SUGCT: variants seen among roughly 807,000 people sequenced by gnomAD.
The protein encoded by SUGCT is succinyl-CoA:glutarate-CoA transferase.
A neutral mutation model predicts 55.0 loss-of-function variants in SUGCT; 41 were observed. That is an observed-to-expected ratio of 0.74 (90% CI 0.58 to 0.97). The LOEUF is 0.97. Among genes scored for constraint, SUGCT ranks in the 50% least tolerant of loss-of-function variants. The pLI is 0.00. For missense variants in SUGCT, 568 were observed against 547.8 expected (o/e 1.04, Z -0.37); for synonymous variants, 187 against 200.4 (o/e 0.93, Z 0.56).
At chr7:40,984,723 G>A in the SUGCT span, among the ~76,000 whole-genome samples, 1 of 152,320 alleles carries the variant, frequency 6.6e-6, no homozygotes, top group African/African-American at 2.4e-5. Context: ...TTACAGAACA[G>A]ATTTGGACAA....
At chr7:40,579,016 G>A (rs1172955258) in intron 12 of SUGCT, among the ~76,000 whole-genome samples, 2 of 152,132 alleles carry the variant, frequency 1.3e-5, no homozygotes, top group Non-Finnish European at 2.9e-5. Context: ...ATTGAGTACC[G>A]TGCTTGGCTC....
chr7:40,980,519 G>C, the SUGCT span, among the ~76,000 whole-genome samples: 1 of 152,192 alleles, frequency 6.6e-6, no homozygotes, highest in East Asian at 1.9e-4. Context: ...TCAATATACA[G>C]TTCATCCCGA....
chr7:40,948,744 G>C, the SUGCT span, among the ~76,000 whole-genome samples: 2 of 152,044 alleles, frequency 1.3e-5, no homozygotes, highest in African/African-American at 4.8e-5. Flanking sequence ...TGAGAATGAT[G>C]ATTTCCAGCT....
chr7:40,961,519 A>AG, the SUGCT span, among the ~76,000 whole-genome samples: 1 of 152,128 alleles, frequency 6.6e-6, no homozygotes, highest in African/African-American at 2.4e-5. Context: ...GAAGTGGGAG[A>AG]GGGGGACTCA....
At chr7:40,776,137 G>A (rs1034834940) in intron 13 of SUGCT, among the ~76,000 whole-genome samples, 3 of 152,122 alleles carry the variant, frequency 2.0e-5, no homozygotes, top group Admixed American at 6.5e-5. Flanking sequence ...GGGAATCCAC[G>A]TGTCTGAGAA....
chr7:40,136,242 C>T (rs553229527), intron 1 of SUGCT, among the ~76,000 whole-genome samples: 1 of 152,300 alleles, frequency 6.6e-6, no homozygotes, highest in South Asian at 2.1e-4. Context: ...AAGTGATCCG[C>T]CTGCCTCTGC....
At chr7:40,917,367 G>A in the SUGCT span, among the ~76,000 whole-genome samples, 1 of 152,142 alleles carries the variant, frequency 6.6e-6, no homozygotes, top group South Asian at 2.1e-4. Context: ...TAGGGTAGTA[G>A]GTTACTCTTA....
intron 9 of SUGCT, among the ~76,000 whole-genome samples, chr7:40,448,962 A>G (rs540276500): frequency 7.5e-6 from 1 of 133,724 alleles, no homozygotes; most frequent in African/African-American, 3.2e-5. Context: ...ATATATATAT[A>G]GAGAGAGAGA....
intron 12 of SUGCT, among the ~76,000 whole-genome samples, chr7:40,572,363 T>G (rs1796498216): frequency 6.6e-6 from 1 of 152,118 alleles, no homozygotes; most frequent in African/African-American, 2.4e-5. Context: ...AAGAGATAAA[T>G]TCATTCCTAG....
chr7:40,316,186 A>G (rs1244621020), intron 8 of SUGCT, among the ~76,000 whole-genome samples: 1 of 152,116 alleles, frequency 6.6e-6, no homozygotes. Context: ...AATTTTAAAA[A>G]CTCAAATAAT....
intron 9 of SUGCT, among the ~76,000 whole-genome samples, chr7:40,346,492 A>C (rs1206438537): frequency 2.0e-5 from 3 of 152,184 alleles, no homozygotes; most frequent in Admixed American, 1.3e-4. Flanking sequence ...TCTAGCCTTC[A>C]CAGTTTTCTG....
intron 12 of SUGCT, among the ~76,000 whole-genome samples, chr7:40,637,768 TATGCTAACAGCATGAAATATGCTTC>T (rs1398213757): frequency 1.3e-5 from 2 of 152,254 alleles, no homozygotes; most frequent in African/African-American, 4.8e-5. Context: ...AATTGGTTAT[TATGCTAACAGCATGAAATATGCTTC>T]TTTGAGATTA....
chr7:40,795,730 A>AG (rs1001426376), intron 13 of SUGCT, among the ~76,000 whole-genome samples: 8 of 152,286 alleles, frequency 5.3e-5, no homozygotes, highest in Middle Eastern at 6.8e-3. Flanking sequence ...CTAAAAAAAA[A>AG]CTACTTTTGG....
chr7:40,906,777 A>G, the SUGCT span, among the ~76,000 whole-genome samples: 3 of 152,318 alleles, frequency 2.0e-5, no homozygotes, highest in African/African-American at 7.2e-5. Context: ...TGCCTATATA[A>G]TAATACAACT....
intron 9 of SUGCT, among the ~76,000 whole-genome samples, chr7:40,338,536 G>C (rs563746529): frequency 1.3e-5 from 2 of 152,086 alleles, no homozygotes; most frequent in African/African-American, 4.8e-5. Context: ...CCAGTGGATC[G>C]AATCGGCTGC....
At chr7:40,825,520 GT>G (rs1255489207) in intron 13 of SUGCT, among the ~76,000 whole-genome samples, 28 of 152,046 alleles carry the variant, frequency 1.8e-4, no homozygotes, top group Admixed American at 3.3e-4. Context: ...ACTTCTTTCT[GT>G]TTTTTAACGT....
intron 9 of SUGCT, among the ~76,000 whole-genome samples, chr7:40,400,351 C>T (rs1386725118): frequency 6.6e-6 from 1 of 152,126 alleles, no homozygotes; most frequent in Non-Finnish European, 1.5e-5. Context: ...ATGGCAACAG[C>T]ATCTGCTTCT....
At chr7:40,907,096 AGTGTGTGTGT>A in the SUGCT span, among the ~76,000 whole-genome samples, 70 of 101,702 alleles carry the variant, frequency 6.9e-4, 1 homozygote, top group Middle Eastern at 4.7e-3. Context: ...TTGTTCTGAT[AGTGTGTGTGT>A]GTGTGTGTGT....
chr7:40,787,732 C>A (rs1790091726), intron 13 of SUGCT, among the ~76,000 whole-genome samples: 1 of 141,870 alleles, frequency 7.0e-6, no homozygotes, highest in South Asian at 2.3e-4. Flanking sequence ...AGGAAAGGGG[C>A]AGGCTAGCAT....
Sources: gnomAD v4.1 joint callset for allele counts (sites outside exome capture counted in the v4.1 genomes callset) on GRCh38, gnomAD v4.1.1 for gene constraint, MANE v1.5 for transcripts, NCBI Gene and HGNC (gene_info 2026-07-23, HGNC 2026-07-21) for gene names.